ZFX: variants seen among roughly 807,000 people sequenced by gnomAD.
ZFX encodes zinc finger X-chromosomal protein.
For synonymous variants in ZFX, 196 were observed against 226.8 expected, an observed-to-expected ratio of 0.86 and a Z score of 1.22; for missense variants, 362 against 628.3, an observed-to-expected ratio of 0.58 and a Z score of 4.53.
rs929862277 is a variant in ZFX at position 24,207,591 on chromosome X, GA to G, written c.796+118del. 4 of 1,114,322 alleles carry G rather than the reference GA, an allele frequency of 3.6e-6. No homozygotes were observed. In the African/African-American group the frequency reaches 5.5e-5, roughly 15 times the overall value. The allele number at this position is 1,114,322 out of a possible 1,213,427, so 91.8% of individuals were successfully genotyped here. A position where few individuals can be genotyped will look rare whatever the true frequency, so the allele number is the denominator to read the frequency against. On this transcript the variant is annotated intron_variant, in intron 6 of 9. Transcript: ENST00000304543. ...CTCTTCTGAAGTAACTTTTATGTAA[GA>G]ATTCCGGTGTAGTAATACCAAAGTT...
intron 4 of ZFX, among the ~76,000 whole-genome samples, chrX:24,175,157 T>C (rs1477488005): frequency 8.9e-6 from 1 of 112,560 alleles, no homozygotes; most frequent in Non-Finnish European, 1.9e-5. Context: ...GAAATATAAG[T>C]AATATACTTG....
chrX:24,172,946 T>G, intron 4 of ZFX, 146 bp downstream of exon 4: 1 of 488,676 alleles, frequency 2.0e-6, no homozygotes, highest in East Asian at 4.2e-5. Context: ...GAGCACATTA[T>G]TATTACCCTC....
chrX:24,196,337 T>C (rs1429385402), intron 5 of ZFX, among the ~76,000 whole-genome samples: 1 of 111,468 alleles, frequency 9.0e-6, no homozygotes, highest in Admixed American at 9.5e-5. Flanking sequence ...GGTCTCGAAC[T>C]CCTCACCTCA....
chrX:24,149,695 C>T (rs1389172669), upstream of ZFX: 1 of 110,751 alleles, frequency 9.0e-6, no homozygotes, highest in Non-Finnish European at 1.9e-5. Flanking sequence ...CCTCCTCCCT[C>T]CCTCCGCCCG....
intron 5 of ZFX, among the ~76,000 whole-genome samples, chrX:24,204,632 C>A (rs1937513612): frequency 8.9e-6 from 1 of 112,148 alleles, no homozygotes; most frequent in Admixed American, 9.5e-5. Flanking sequence ...GATAGTTACA[C>A]TATTTTCTGA....
At chrX:24,160,423 T>C (rs750458165) in intron 3 of ZFX, among the ~76,000 whole-genome samples, 110 of 108,324 alleles carry the variant, frequency 1.0e-3, no homozygotes, top group Non-Finnish European at 1.8e-3. Context: ...CTCAGCCTCC[T>C]GAGTCGCTGG....
chrX:24,209,332 TTAAA>T (rs758227577), intron 9 of ZFX, among the ~76,000 whole-genome samples: 1 of 112,451 alleles, frequency 8.9e-6, no homozygotes, highest in East Asian at 2.8e-4. Flanking sequence ...CATTAACTTT[TTAAA>T]TAAATTAATA....
chrX:24,150,907 T>G (rs1932028656), intron 1 of ZFX: 1 of 112,345 alleles, frequency 8.9e-6, no homozygotes, highest in African/African-American at 3.2e-5. Context: ...TTTTGAATCA[T>G]TCGTACTCAT....
intron 3 of ZFX, among the ~76,000 whole-genome samples, chrX:24,167,241 G>A (rs939276044): frequency 8.9e-6 from 1 of 111,788 alleles, no homozygotes; most frequent in Non-Finnish European, 1.9e-5. Flanking sequence ...CATTAAAGGA[G>A]AACCTGGCTG....
At chrX:24,181,325 A>G (rs1317081099) in intron 5 of ZFX, among the ~76,000 whole-genome samples, 1 of 112,076 alleles carries the variant, frequency 8.9e-6, no homozygotes, top group East Asian at 2.8e-4. Context: ...AAATACATAC[A>G]TAAGACCATT....
At chrX:24,189,601 T>C (rs1445756271) in intron 5 of ZFX, among the ~76,000 whole-genome samples, 1 of 112,366 alleles carries the variant, frequency 8.9e-6, no homozygotes, top group Non-Finnish European at 1.9e-5. Context: ...TTCTAGGGAC[T>C]GTTAGCACAG....
chrX:24,198,233 C>T (rs1285503716), intron 5 of ZFX, among the ~76,000 whole-genome samples: 4 of 110,943 alleles, frequency 3.6e-5, no homozygotes, highest in Non-Finnish European at 5.7e-5. Flanking sequence ...AGTGGGGTTT[C>T]GCTTTGTTGC....
At chrX:24,199,555 C>G (rs150801479) in intron 5 of ZFX, among the ~76,000 whole-genome samples, 14 of 111,176 alleles carry the variant, frequency 1.3e-4, no homozygotes, top group African/African-American at 3.9e-4. Flanking sequence ...TGCACCCAAC[C>G]TTGAAGTGAC....
intron 4 of ZFX, among the ~76,000 whole-genome samples, chrX:24,178,039 C>T (rs1935308219): frequency 9.3e-6 from 1 of 107,696 alleles, no homozygotes; most frequent in Admixed American, 1.0e-4. Flanking sequence ...TCACGCCATT[C>T]TCCTGCCTCA....
intron 3 of ZFX, among the ~76,000 whole-genome samples, chrX:24,168,658 CTTTTCTTTCTTTCTTTTTTTTTT>C (rs1934242116): frequency 1.1e-5 from 1 of 89,779 alleles, no homozygotes; most frequent in African/African-American, 4.2e-5. Context: ...ATATGTTTTT[CTTTTCTTTCTTTCTTTTTTTTTT>C]TTTTTTTTTA....
At chrX:24,159,727 C>T (rs1933068876) in intron 3 of ZFX, among the ~76,000 whole-genome samples, 1 of 111,560 alleles carries the variant, frequency 9.0e-6, no homozygotes, top group Non-Finnish European at 1.9e-5. Flanking sequence ...GGTGATGGGC[C>T]TACCTTGACC....
intron 5 of ZFX, among the ~76,000 whole-genome samples, chrX:24,194,401 A>G (rs781461294): frequency 1.8e-5 from 2 of 110,989 alleles, no homozygotes; most frequent in South Asian, 7.7e-4. Context: ...CATTCTCCTC[A>G]TGTCCATGTG....
chrX:24,152,260 C>T (rs748003565), intron 2 of ZFX, among the ~76,000 whole-genome samples: 2 of 109,590 alleles, frequency 1.8e-5, no homozygotes, highest in South Asian at 4.0e-4. Context: ...CTCAGCCTCC[C>T]GAGTAGCTGG....
chrX:24,212,589 T>G lies in ZFX; in HGVS notation c.*1213T>G, dbSNP rs764881530. The G allele has an allele frequency of 8.9e-6, 1 of 112,521 alleles. No individual in the cohort carries two copies. Among genetic ancestry groups the G allele is most frequent in the East Asian group, 2.8e-4 (1 of 3,597 alleles). 9.3% of individuals were successfully genotyped at this position (112,521 alleles called of 1,213,427 possible). The stretch of plus-strand genomic sequence containing the variant: ...TGTTTTTCTGAAAAGCAAATGAGTA[T>G]CCAGACATGACTCCCACAGTTCTCT... On this transcript the variant is annotated 3_prime_UTR_variant, in exon 10 of 10. Coordinates refer to ENST00000304543, the MANE Select transcript of ZFX (RefSeq NM_003410.4).
Sources: gnomAD v4.1 joint callset for allele counts (sites outside exome capture counted in the v4.1 genomes callset) on GRCh38, gnomAD v4.1.1 for gene constraint, MANE v1.5 for transcripts, NCBI Gene and HGNC (gene_info 2026-07-23, HGNC 2026-07-21) for gene names.